Variants in KCNMA1 observed in about 807,000 individuals in gnomAD.
KCNMA1 encodes the protein Calcium-activated potassium channel subunit alpha-1.
A neutral mutation model predicts 140.0 loss-of-function variants in KCNMA1; 29 were observed. That is an observed-to-expected ratio of 0.21 (90% CI 0.15 to 0.28). The LOEUF is 0.28. Ranked by LOEUF, KCNMA1 falls within the 10% of genes least tolerant of loss-of-function variation. The pLI, the probability that KCNMA1 is intolerant of heterozygous loss-of-function variation, is 1.00. For missense variants in KCNMA1, 880 were observed against 1,602.2 expected (o/e 0.55, Z 7.70); for synonymous variants, 612 against 611.9 (o/e 1.00, Z 0.00).
chr10:77,393,763 A>G (rs2095928802), intron 2 of KCNMA1, among the ~76,000 whole-genome samples: 1 of 152,252 alleles, frequency 6.6e-6, no homozygotes, highest in South Asian at 2.1e-4. Flanking sequence ...ACGAGACACA[A>G]GGAGCAAGAT....
In KCNMA1 at chr10:77,054,649, C is replaced by T. The variant is rs142867774; in HGVS notation, c.1750-15012G>A. Among the ~76,000 whole-genome samples the T allele has an allele frequency of 2.2e-4, 33 of 152,274 alleles. 1 individual carries two copies. The East Asian group carries it at 5.2e-3, about 24-fold the overall frequency. On this transcript the variant is annotated intron_variant, in intron 14 of 27. Coordinates refer to ENST00000286628, the MANE Select transcript of KCNMA1 (RefSeq NM_001161352.2). The stretch of plus-strand genomic sequence containing the variant: ...TCAAGACAGGACCCCTGTATTTCTC[C>T]GAACATGAAACCCTAATCACTGGGA...
intron 25 of KCNMA1, among the ~76,000 whole-genome samples, chr10:76,892,786 T>C (rs1165333146): frequency 6.6e-6 from 1 of 152,210 alleles, no homozygotes; most frequent in Non-Finnish European, 1.5e-5. Context: ...TTTTCTCGTC[T>C]GTAAAATAAC....
intron 15 of KCNMA1, among the ~76,000 whole-genome samples, chr10:77,038,221 C>T (rs1388744728): frequency 6.6e-6 from 1 of 152,114 alleles, no homozygotes; most frequent in Non-Finnish European, 1.5e-5. Flanking sequence ...CTCCTGCATA[C>T]AGAAAGAAAA....
At chr10:77,012,289 A>G (rs2090977715) in intron 17 of KCNMA1, 9 of 1,459,740 alleles carry the variant, frequency 6.2e-6, no homozygotes, top group African/African-American at 1.4e-5. Context: ...AGAAACTGGG[A>G]AAAAAGTTGC....
intron 5 of KCNMA1, among the ~76,000 whole-genome samples, chr10:77,166,140 A>AAGGGAGG (rs2098639604): frequency 1.3e-5 from 2 of 152,200 alleles, no homozygotes; most frequent in African/African-American, 4.8e-5. Flanking sequence ...AAGTACTTGT[A>AAGGGAGG]CTAATGGAAG....
At chr10:77,126,818 G>A (rs2097752845) in intron 5 of KCNMA1, among the ~76,000 whole-genome samples, 1 of 150,782 alleles carries the variant, frequency 6.6e-6, no homozygotes, top group African/African-American at 2.4e-5. Flanking sequence ...CCTGTGGGAT[G>A]GGTTGAGGCT....
chr10:76,938,248 T>A (rs1591310458), intron 23 of KCNMA1, among the ~76,000 whole-genome samples: 2 of 152,174 alleles, frequency 1.3e-5, no homozygotes, highest in East Asian at 3.9e-4. Context: ...CAGCTTTTCA[T>A]GCCCATCTGG....
intron 3 of KCNMA1, among the ~76,000 whole-genome samples, chr10:77,247,125 C>T (rs571927665): frequency 1.3e-5 from 2 of 152,310 alleles, no homozygotes; most frequent in African/African-American, 4.8e-5. Context: ...TCAGTATACG[C>T]CACATTAAAT....
chr10:77,100,025 T>A (rs555541536), intron 9 of KCNMA1, among the ~76,000 whole-genome samples: 1 of 152,348 alleles, frequency 6.6e-6, no homozygotes, highest in Admixed American at 6.5e-5. Flanking sequence ...TACACTTCCA[T>A]GATTTCAATG....
intron 2 of KCNMA1, among the ~76,000 whole-genome samples, chr10:77,286,584 T>G (rs969318033): frequency 3.9e-5 from 6 of 152,164 alleles, no homozygotes; most frequent in Non-Finnish European, 1.5e-5. Flanking sequence ...TAAGAATACT[T>G]CCAAAATTCC....
At chr10:77,618,397 C>T (rs2154569186) in intron 1 of KCNMA1, among the ~76,000 whole-genome samples, 1 of 152,318 alleles carries the variant, frequency 6.6e-6, no homozygotes, top group East Asian at 1.9e-4. Flanking sequence ...CCACTGCACA[C>T]ACCAGAGTCT....
rs369433133 is a variant in KCNMA1, at chr10:76,943,034, C to G, written c.2902+1739G>C. 6.6e-5 allele frequency among the ~76,000 whole-genome samples: 10 copies of G among 152,290 alleles called. 1 individual carries two copies. In the East Asian group the frequency reaches 9.7e-4, roughly 15 times the overall value. On this transcript the variant is annotated intron_variant, in intron 23 of 27. Coordinates refer to ENST00000286628, the MANE Select transcript of KCNMA1 (RefSeq NM_001161352.2). ...GGTTCTGTAACTCTAACAGCCTCCC[C>G]CAACAGACACCCATACTGGGGCAGG...
intron 14 of KCNMA1, among the ~76,000 whole-genome samples, chr10:77,048,470 G>A (rs2095211627): frequency 6.6e-6 from 1 of 152,148 alleles, no homozygotes; most frequent in South Asian, 2.1e-4. Flanking sequence ...CTTAATAGCA[G>A]GTGTTATCTG....
At chr10:76,879,814 C>T (rs912399945) in intron 29 of KCNMA1, among the ~76,000 whole-genome samples, 5 of 152,170 alleles carry the variant, frequency 3.3e-5, no homozygotes, top group Admixed American at 1.3e-4. Flanking sequence ...TTGTGATCTA[C>T]GATTAAACTA....
intron 3 of KCNMA1, among the ~76,000 whole-genome samples, chr10:77,236,501 G>A (rs2055516253): frequency 6.6e-6 from 1 of 152,110 alleles, no homozygotes; most frequent in Non-Finnish European, 1.5e-5. Context: ...TTCTACCCAT[G>A]CCTTGGGACC....
intron 1 of KCNMA1, among the ~76,000 whole-genome samples, chr10:77,547,207 G>A (rs7907577): frequency 0.069 from 10,423 of 152,136 alleles, 999 homozygotes; most frequent in African/African-American, 0.21. Context: ...GATGAGCTAC[G>A]AAAATTTCCT....
At chr10:77,347,238 T>G (rs2092305538) in intron 2 of KCNMA1, among the ~76,000 whole-genome samples, 1 of 152,196 alleles carries the variant, frequency 6.6e-6, no homozygotes, top group Non-Finnish European at 1.5e-5. Flanking sequence ...CCAGGCCTTG[T>G]GCATGAACCC....
chr10:77,581,256 C>A (rs2075781103), intron 1 of KCNMA1, among the ~76,000 whole-genome samples: 2 of 151,996 alleles, frequency 1.3e-5, no homozygotes, highest in African/African-American at 4.8e-5. Flanking sequence ...TGATTCCAGG[C>A]TGCTAAAAGC....
intron 4 of KCNMA1, 111 bp downstream of exon 4, chr10:77,184,712 T>C (rs1450327429): frequency 2.6e-6 from 2 of 783,010 alleles, no homozygotes; most frequent in South Asian, 1.4e-5. Flanking sequence ...GCGGGTGCGC[T>C]GTTTCTCCTG....
Sources: gnomAD v4.1 joint callset for allele counts (sites outside exome capture counted in the v4.1 genomes callset) on GRCh38, gnomAD v4.1.1 for gene constraint, MANE v1.5 for transcripts, NCBI Gene and HGNC (gene_info 2026-07-23, HGNC 2026-07-21) for gene names.